The following ELF4 variants were observed in gnomAD, a reference collection of about 807,000 sequenced individuals.
ELF4 encodes ETS-related transcription factor Elf-4.
In ELF4, 10 loss-of-function variants were observed where a neutral mutation model predicts 31.7. The ratio of observed to expected loss-of-function variants is 0.32; its 90% CI spans 0.19 to 0.54. ELF4 has a LOEUF of 0.54. ELF4 is among the 20% of genes least tolerant of loss of function. ELF4 has a pLI of 0.95. For missense variants in ELF4, 418 were observed against 522.0 expected (o/e 0.80, Z 1.94); for synonymous variants, 208 against 226.7 (o/e 0.92, Z 0.74).
At position 130,065,550 on chromosome X, in the gene ELF4, G is replaced by A. The variant is rs1192514145; in HGVS notation, c.*1171C>T. 1.1e-5 allele frequency: 2 copies of A among 174,791 alleles called. No individual in the cohort carries two copies. The highest frequency in any genetic ancestry group is 5.9e-5 in the African/African-American group (2 of 34,060). 14.4% of individuals were successfully genotyped at this position (174,791 alleles called of 1,213,427 possible). Reference sequence around the variant, plus strand: ...CGCCTTCGAGGTGAGTTGCAGGCAGGCTGAGCAGCAGAAACCATGTGGTAG... The same window carrying A: ...CGCCTTCGAGGTGAGTTGCAGGCAGACTGAGCAGCAGAAACCATGTGGTAG... On this transcript the variant is annotated 3_prime_UTR_variant, in exon 9 of 9. Coordinates refer to ENST00000308167, the MANE Select transcript of ELF4 (RefSeq NM_001421.4).
intron 1 of ELF4, among the ~76,000 whole-genome samples, chrX:130,083,631 T>C (rs999304744): frequency 6.3e-5 from 7 of 111,768 alleles, no homozygotes; most frequent in African/African-American, 2.0e-4. Context: ...GCTGTCTGCC[T>C]GGGCTACTTT....
At chrX:130,078,123 C>T (rs1399942553) in intron 2 of ELF4, among the ~76,000 whole-genome samples, 1 of 756 alleles carries the variant, frequency 1.3e-3, no homozygotes, top group African/African-American at 6.5e-3. Context: ...TCTCGGCTCA[C>T]TGCAACCTCC....
At chrX:130,074,418 G>GA (rs962403300) in intron 3 of ELF4, among the ~76,000 whole-genome samples, 163 bp downstream of exon 3, 2 of 111,457 alleles carry the variant, frequency 1.8e-5, no homozygotes, top group African/African-American at 6.5e-5. Flanking sequence ...CACAGACCAT[G>GA]AATCTACTAA....
chrX:130,096,716 C>G (rs947052333), intron 1 of ELF4, among the ~76,000 whole-genome samples: 2 of 111,252 alleles, frequency 1.8e-5, no homozygotes, highest in Non-Finnish European at 3.8e-5. Context: ...GTTGATGGCT[C>G]CAAGGCTGTT....
rs1392703852 is a variant in ELF4 at position 130,069,626 on chromosome X, C to A, written c.861G>T (p.Val287=). 8.3e-7 allele frequency: 1 copy of A among 1,210,923 alleles called. No individual in the cohort carries two copies. The highest frequency in any genetic ancestry group is 1.1e-6 in the Non-Finnish European group (1 of 895,310). Residue 287 remains valine (V), a synonymous_variant, in exon 8 of 9, where the codon GTG becomes GTT. Transcript: ENST00000308167. ...ILAKVEGQRL[V]YQFKEMPKDL... Reference sequence around the variant, plus strand: ...CCTTGGGCATCTCCTTAAACTGGTACACCAGCCTCTGCCCTTCCACTTTGG... The same window carrying A: ...CCTTGGGCATCTCCTTAAACTGGTAAACCAGCCTCTGCCCTTCCACTTTGG...
intron 2 of ELF4, among the ~76,000 whole-genome samples, chrX:130,077,135 G>A (rs934463950): frequency 9.0e-6 from 1 of 110,878 alleles, no homozygotes; most frequent in African/African-American, 3.3e-5. Flanking sequence ...CACTAGTCAC[G>A]GGTGACTATT....
At chrX:130,093,152 T>C (rs772352824) in intron 1 of ELF4, among the ~76,000 whole-genome samples, 81 of 110,030 alleles carry the variant, frequency 7.4e-4, no homozygotes, top group Admixed American at 1.9e-3. Flanking sequence ...AGGCACTCTG[T>C]CCCCCAGGTT....
At chrX:130,094,049 T>C (rs1933104759) in intron 1 of ELF4, among the ~76,000 whole-genome samples, 1 of 110,564 alleles carries the variant, frequency 9.0e-6, no homozygotes, top group Non-Finnish European at 1.9e-5. Context: ...CTGGCCAACA[T>C]GGAGGCACCC....
At chrX:130,073,543 C>T (rs1188003432) in intron 4 of ELF4, among the ~76,000 whole-genome samples, 1 of 112,136 alleles carries the variant, frequency 8.9e-6, no homozygotes, top group Admixed American at 9.4e-5. Flanking sequence ...CAGAGGTTCG[C>T]TCTTGTCACC....
At chrX:130,087,711 A>T (rs958033562) in intron 1 of ELF4, among the ~76,000 whole-genome samples, 1 of 110,098 alleles carries the variant, frequency 9.1e-6, no homozygotes, top group Admixed American at 9.6e-5. Flanking sequence ...CAAGTGATCC[A>T]CCCGCCTCAG....
At chrX:130,100,894 GTCCTGATAGA>G (rs767008150) in intron 1 of ELF4, among the ~76,000 whole-genome samples, 1 of 112,168 alleles carries the variant, frequency 8.9e-6, no homozygotes, top group African/African-American at 3.2e-5. Flanking sequence ...GAGACCACAG[GTCCTGATAGA>G]TCTTAGGGCT....
intron 8 of ELF4, among the ~76,000 whole-genome samples, chrX:130,068,064 G>A (rs754625605): frequency 7.2e-5 from 8 of 111,375 alleles, no homozygotes; most frequent in Middle Eastern, 4.7e-3. Context: ...CACCTGCCTC[G>A]GCCTCCCAAA....
At position 130,065,007 on chromosome X, in the gene ELF4, ACAACC is replaced by A. The variant is rs1932628369; in HGVS notation, c.*1709_*1713del. ...AAACACGCATAGTAAATACATTTGC[ACAACC>A]AAACACAGTGCCCTCCAGGGGGCAG... On this transcript the variant is annotated 3_prime_UTR_variant, in exon 9 of 9. Coordinates refer to ENST00000308167, the MANE Select transcript of ELF4 (RefSeq NM_001421.4). 5.9e-6 allele frequency: 1 copy of A among 170,674 alleles called. No homozygotes were observed. Among genetic ancestry groups the A allele is most frequent in the South Asian group, 3.1e-4 (1 of 3,195 alleles). 14.1% of individuals were successfully genotyped at this position (170,674 alleles called of 1,213,427 possible).
chrX:130,071,027 C>T lies in ELF4; in HGVS notation c.809+13G>A. 1 of 1,211,529 alleles carries T rather than the reference C, an allele frequency of 8.3e-7. No individual in the cohort carries two copies. Among genetic ancestry groups the T allele is most frequent in the Non-Finnish European group, 1.1e-6 (1 of 895,458 alleles). On this transcript the variant is annotated intron_variant, in intron 7 of 8. Coordinates refer to ENST00000308167, the MANE Select transcript of ELF4 (RefSeq NM_001421.4). ...CCAGGGCAGGGGTTCTGCATCATCCCAACAGCTCCTACCTTAGTGCCCGCC... is the reference window on the plus strand; with the variant it reads ...CCAGGGCAGGGGTTCTGCATCATCCTAACAGCTCCTACCTTAGTGCCCGCC...
At chrX:130,070,616 C>A (rs1376732359) in intron 7 of ELF4, among the ~76,000 whole-genome samples, 1 of 94,825 alleles carries the variant, frequency 1.1e-5, no homozygotes, top group South Asian at 5.0e-4. Context: ...AAAAAACATA[C>A]AAAAAATTAG....
Position 130,082,320 on chromosome X carries a change from G to A in ELF4, c.-209-781C>T, listed in dbSNP as rs753720878. 1.2e-3 allele frequency among the ~76,000 whole-genome samples: 138 copies of A among 111,442 alleles called. 1 individual carries two copies. The highest frequency in any genetic ancestry group is 4.4e-3 in the African/African-American group (135 of 30,648). ...TGGGCCACATACCCTGTTTTCGTCAGCACCCCCCTCTCACCACTACCGCCG... is the reference window on the plus strand; with the variant it reads ...TGGGCCACATACCCTGTTTTCGTCAACACCCCCCTCTCACCACTACCGCCG... On this transcript the variant is annotated intron_variant, in intron 1 of 8. Transcript: ENST00000308167.
At position 130,071,020 on chromosome X, in the gene ELF4, A is replaced by G. The variant is rs1165022961; in HGVS notation, c.809+20T>C. 3 of 1,209,297 alleles carry G rather than the reference A, an allele frequency of 2.5e-6. No individual in the cohort carries two copies. Among genetic ancestry groups the G allele is most frequent in the Non-Finnish European group, 3.4e-6 (3 of 894,995 alleles). ...GTGATCCCCAGGGCAGGGGTTCTGC[A>G]TCATCCCAACAGCTCCTACCTTAGT... On this transcript the variant is annotated intron_variant, in intron 7 of 8. Coordinates refer to ENST00000308167, the MANE Select transcript of ELF4 (RefSeq NM_001421.4).
At position 130,072,467 on chromosome X, in the gene ELF4, G is replaced by A. The variant is rs764846615; in HGVS notation, c.341-50C>T. On this transcript the variant is annotated intron_variant, in intron 4 of 8. Transcript: ENST00000308167. ...GGCGGGGCCCAGGCAGGGCTGGAGC[G>A]GGGTCTCCCAGCGCTGGAGAGACGG... 3.7e-5 allele frequency: 44 copies of A among 1,175,217 alleles called. 1 individual carries two copies. The Middle Eastern group carries it at 8.1e-3, about 215-fold the overall frequency.
chrX:130,109,031 C>A (rs1339638776), intron 1 of ELF4, among the ~76,000 whole-genome samples: 1 of 112,751 alleles, frequency 8.9e-6, no homozygotes, highest in Non-Finnish European at 1.9e-5. Flanking sequence ...CCAGGAAAAC[C>A]CAGTGTAACT....
Sources: gnomAD v4.1 joint callset for allele counts (sites outside exome capture counted in the v4.1 genomes callset) on GRCh38, gnomAD v4.1.1 for gene constraint, MANE v1.5 for transcripts, NCBI Gene and HGNC (gene_info 2026-07-23, HGNC 2026-07-21) for gene names.